The following PARD3B variants were observed in gnomAD, a reference collection of about 807,000 sequenced individuals.
PARD3B encodes the protein partitioning defective 3 homolog B.
In PARD3B, 103 loss-of-function variants were observed where a neutral mutation model predicts 130.2. The observed-to-expected ratio is 0.79, with a 90% confidence interval of 0.67 to 0.93. The LOEUF (loss-of-function observed/expected upper bound fraction) is 0.93, where lower values mean the gene tolerates loss of function less well. Among genes scored for constraint, PARD3B ranks in the 40% least tolerant of loss-of-function variants. The pLI is 0.00. For synonymous variants in PARD3B, 583 were observed against 553.2 expected (o/e 1.05, Z -0.76); for missense variants, 1,609 against 1,499.2 (o/e 1.07, Z -1.21).
At chr2:205,153,209 T>C (rs1178127557) in intron 10 of PARD3B, among the ~76,000 whole-genome samples, 3 of 152,122 alleles carry the variant, frequency 2.0e-5, no homozygotes, top group Non-Finnish European at 2.9e-5. Context: ...CTGGGAGGTG[T>C]CTCCCAGTTA....
intron 3 of PARD3B, among the ~76,000 whole-genome samples, chr2:205,028,228 T>G (rs952662523): frequency 2.6e-5 from 4 of 152,146 alleles, no homozygotes; most frequent in Non-Finnish European, 4.4e-5. Flanking sequence ...TTAATTTGAG[T>G]CTTCAATTTC....
At chr2:205,041,475 G>A (rs1207007271) in intron 3 of PARD3B, among the ~76,000 whole-genome samples, 1 of 152,042 alleles carries the variant, frequency 6.6e-6, no homozygotes, top group Non-Finnish European at 1.5e-5. Flanking sequence ...GAATTCTCCT[G>A]TGTCCTCCTC....
chr2:204,894,069 G>A (rs978635072), intron 2 of PARD3B, among the ~76,000 whole-genome samples: 1 of 151,160 alleles, frequency 6.6e-6, no homozygotes, highest in Non-Finnish European at 1.5e-5. Context: ...AAAAAAAAAA[G>A]TTAATTGCCA....
intron 1 of PARD3B, among the ~76,000 whole-genome samples, chr2:204,594,043 G>T (rs1382654391): frequency 1.3e-5 from 2 of 152,142 alleles, no homozygotes; most frequent in Non-Finnish European, 2.9e-5. Context: ...TCAACACTCG[G>T]TCCCTGAAAC....
At chr2:204,814,192 T>A (rs2043062083) in intron 2 of PARD3B, among the ~76,000 whole-genome samples, 1 of 151,960 alleles carries the variant, frequency 6.6e-6, no homozygotes. Context: ...TGATTTATAC[T>A]TACAGTTTTC....
At position 204,771,242 on chromosome 2, in the gene PARD3B, C is replaced by T. The variant is rs1360001050; in HGVS notation, c.222+84960C>T. ...TTTTTGCCTTTTGTCTTGAGTTCCT[C>T]AGTTGGAGTGTGTATGTGTGTAAGC... On this transcript the variant is annotated intron_variant, in intron 2 of 22. Transcript: ENST00000406610. Among the ~76,000 whole-genome samples the T allele has an allele frequency of 2.0e-5, 3 of 151,786 alleles. No individual in the cohort carries two copies. The East Asian group carries it at 5.8e-4, about 29-fold the overall frequency.
At chr2:204,989,240 C>G (rs1693435254) in intron 3 of PARD3B, among the ~76,000 whole-genome samples, 1 of 151,960 alleles carries the variant, frequency 6.6e-6, no homozygotes, top group Non-Finnish European at 1.5e-5. Flanking sequence ...AAGAATATTT[C>G]TAGGATTGCA....
chr2:205,028,330 A>G (rs781313787), intron 3 of PARD3B, among the ~76,000 whole-genome samples: 1 of 152,186 alleles, frequency 6.6e-6, no homozygotes, highest in Non-Finnish European at 1.5e-5. Flanking sequence ...TTCTCTCAAC[A>G]TGTGCAGAAA....
chr2:205,220,329 C>A (rs529096322), intron 15 of PARD3B, among the ~76,000 whole-genome samples: 123 of 152,274 alleles, frequency 8.1e-4, no homozygotes, highest in Non-Finnish European at 1.5e-3. Context: ...ACACTGAGCA[C>A]CCCAGCCAAA....
At chr2:204,598,893 C>T (rs2033400575) in intron 1 of PARD3B, among the ~76,000 whole-genome samples, 1 of 151,924 alleles carries the variant, frequency 6.6e-6, no homozygotes, top group South Asian at 2.1e-4. Context: ...CCTGTCAATG[C>T]TGCTAATAGC....
intron 2 of PARD3B, among the ~76,000 whole-genome samples, chr2:204,715,144 T>G (rs2216321): frequency 6.6e-5 from 10 of 152,020 alleles, no homozygotes; most frequent in Admixed American, 5.9e-4. Context: ...TCTTTAGAAA[T>G]CCTTGTGTTC....
chr2:205,594,310 A>G (rs1207042200), intron 22 of PARD3B, among the ~76,000 whole-genome samples: 1 of 152,128 alleles, frequency 6.6e-6, no homozygotes, highest in East Asian at 1.9e-4. Context: ...ATTTAGGGAT[A>G]ATTTATTTTT....
intron 20 of PARD3B, among the ~76,000 whole-genome samples, chr2:205,492,365 A>G (rs1057128867): frequency 6.6e-6 from 1 of 152,206 alleles, no homozygotes; most frequent in African/African-American, 2.4e-5. Flanking sequence ...CAATTATAGT[A>G]AACAAAGACC....
intron 4 of PARD3B, among the ~76,000 whole-genome samples, chr2:205,103,359 T>TTTTTATTTATGTAAAATAAATATA (rs71032441): frequency 0.46 from 31,129 of 67,538 alleles, 5,954 homozygotes; most frequent in Admixed American, 0.56. Flanking sequence ...AATAAATATA[T>TTTTTATTTATGTAAAATAAATATA]TTTTTATTTA....
intron 3 of PARD3B, among the ~76,000 whole-genome samples, chr2:205,035,820 T>TATATATATAGTGGG (rs1491091922): frequency 1.7e-3 from 4 of 2,298 alleles, no homozygotes; most frequent in African/African-American, 3.4e-3. Context: ...TATATATATA[T>TATATATATAGTGGG]CTATATATCT....
rs191395761 is a variant in PARD3B at position 204,678,321 on chromosome 2, C to T, written c.121-7860C>T. Among the ~76,000 whole-genome samples the T allele has an allele frequency of 1.1e-3, 175 of 152,206 alleles. No individual in the cohort carries two copies. The highest frequency in any genetic ancestry group is 3.8e-3 in the African/African-American group (158 of 41,514). On this transcript the variant is annotated intron_variant, in intron 1 of 22. Transcript: ENST00000406610. The surrounding 1 kb of genome is among the most constrained non-coding windows in gnomAD (Gnocchi z 4.2). ...AGAGGTTGTGTATTACAAACAATGC[C>T]CTTTTGGTTGTTGCCTTCAACAGAG...
At chr2:204,603,836 T>G (rs915914304) in intron 1 of PARD3B, among the ~76,000 whole-genome samples, 13 of 152,184 alleles carry the variant, frequency 8.5e-5, no homozygotes, top group African/African-American at 3.1e-4. Context: ...GTTTATTTTC[T>G]GGCTAAATTC....
chr2:205,032,192 CATTGCCTTACTCTG>C lies in PARD3B; in HGVS notation c.395-15387_395-15374del, dbSNP rs1007177596. Among the ~76,000 whole-genome samples, 265 of 152,054 alleles carry C rather than the reference CATTGCCTTACTCTG, an allele frequency of 1.7e-3. 1 individual carries two copies. Among genetic ancestry groups the C allele is most frequent in the African/African-American group, 6.3e-3 (260 of 41,478 alleles). On this transcript the variant is annotated intron_variant, in intron 3 of 22. Transcript: ENST00000406610. The stretch of plus-strand genomic sequence containing the variant: ...GAAAAGTCAATAATAATCCGTGGAT[CATTGCCTTACTCTG>C]ACACTGGGTGAATTAGCCTGCTGGG...
Position 205,302,226 on chromosome 2 carries a change from G to A in PARD3B, c.2630+525G>A, listed in dbSNP as rs1045586943. 2.6e-5 allele frequency among the ~76,000 whole-genome samples: 4 copies of A among 151,614 alleles called. No individual in the cohort carries two copies. The East Asian group carries it at 7.8e-4, about 29-fold the overall frequency. ...TGAGACTATAGGCATGCACCACAAC[G>A]CCCAGCTCATTTTTGTATTTTTAGT... On this transcript the variant is annotated intron_variant, in intron 18 of 22. Transcript: ENST00000406610.
Sources: allele counts gnomAD v4.1 joint callset (sites outside exome capture counted in the v4.1 genomes callset), GRCh38; gene constraint gnomAD v4.1.1; non-coding constraint Gnocchi (gnomAD v3.1); transcripts MANE v1.5; gene names NCBI Gene and HGNC (gene_info 2026-07-23, HGNC 2026-07-21).